Variants in CREB3L2 observed in about 807,000 individuals in gnomAD.
The protein encoded by CREB3L2 is cyclic AMP-responsive element-binding protein 3-like protein 2.
CREB3L2 carries 23 observed loss-of-function variants against 57.2 expected under a neutral mutation model. The observed-to-expected ratio is 0.40, with a 90% CI of 0.29 to 0.57. The LOEUF is 0.57. Among genes scored for constraint, CREB3L2 ranks in the 20% least tolerant of loss-of-function variants. CREB3L2 has a pLI of 0.42. For missense variants in CREB3L2, 628 were observed against 634.7 expected (o/e 0.99, Z 0.11); for synonymous variants, 268 against 265.1 (o/e 1.01, Z -0.11).
intron 11 of CREB3L2, among the ~76,000 whole-genome samples, chr7:137,881,720 A>AG (rs1799296165): frequency 6.6e-6 from 1 of 152,230 alleles, no homozygotes; most frequent in Non-Finnish European, 1.5e-5. Context: ...ACACGTAACC[A>AG]GGAGCATGCA....
At chr7:137,995,799 A>T (rs998549142) in intron 1 of CREB3L2, among the ~76,000 whole-genome samples, 1 of 152,146 alleles carries the variant, frequency 6.6e-6, no homozygotes, top group Non-Finnish European at 1.5e-5. Context: ...CACATCAGAG[A>T]CCCCTGTTTC....
intron 1 of CREB3L2, among the ~76,000 whole-genome samples, chr7:137,987,154 A>C (rs1390042951): frequency 1.3e-5 from 2 of 152,220 alleles, no homozygotes; most frequent in Non-Finnish European, 2.9e-5. Flanking sequence ...AATGAATACC[A>C]TTCAGGGGTA....
chr7:137,970,748 A>G (rs1801492339), intron 1 of CREB3L2, among the ~76,000 whole-genome samples: 2 of 152,230 alleles, frequency 1.3e-5, no homozygotes, highest in Non-Finnish European at 2.9e-5. Flanking sequence ...GCCCAGACAG[A>G]GCACATTCCA....
In CREB3L2 at chr7:138,001,464, C is replaced by T. The variant is rs982623363; in HGVS notation, c.102+140G>A. On this transcript the variant is annotated intron_variant, in intron 1 of 11. Transcript: ENST00000330387. The surrounding 1 kb of genome is among the most constrained non-coding windows in gnomAD (Gnocchi z 4.2). ...CTTCATCTGCTCAGACATTAAAGTACACCTCGCCCAGGACCTCTTGATTCT... is the reference window on the plus strand; with the variant it reads ...CTTCATCTGCTCAGACATTAAAGTATACCTCGCCCAGGACCTCTTGATTCT... 1.6e-6 allele frequency: 1 copy of T among 607,246 alleles called. No individual in the cohort carries two copies. The highest frequency in any genetic ancestry group is 2.9e-6 in the Non-Finnish European group (1 of 341,038). 37.6% of individuals were successfully genotyped at this position (607,246 alleles called of 1,614,324 possible).
At chr7:137,885,589 T>C in intron 8 of CREB3L2, 87 bp from the exon 9 acceptor site, 1 of 985,814 alleles carries the variant, frequency 1.0e-6, no homozygotes, top group Non-Finnish European at 1.6e-6. Flanking sequence ...AAGGCCGCCG[T>C]GCCTTTGTGC....
chr7:137,883,374 T>C (rs1799340290), intron 10 of CREB3L2, among the ~76,000 whole-genome samples: 1 of 152,190 alleles, frequency 6.6e-6, no homozygotes, highest in South Asian at 2.1e-4. Flanking sequence ...CCCTTATCCA[T>C]GGGGAATACA....
intron 1 of CREB3L2, among the ~76,000 whole-genome samples, chr7:137,999,133 C>T (rs1446949979): frequency 2.0e-5 from 3 of 152,050 alleles, no homozygotes; most frequent in African/African-American, 7.2e-5. Context: ...AAAATGCACA[C>T]CTACCTTAGG....
intron 11 of CREB3L2, 53 bp downstream of exon 11, chr7:137,882,359 A>AT (rs1160788875): frequency 1.4e-6 from 2 of 1,413,090 alleles, no homozygotes; most frequent in Non-Finnish European, 2.0e-6. Context: ...TTGCTGACTC[A>AT]TAACCCACCA....
intron 1 of CREB3L2, among the ~76,000 whole-genome samples, chr7:137,966,053 C>T (rs1801401630): frequency 6.6e-6 from 1 of 152,164 alleles, no homozygotes; most frequent in Non-Finnish European, 1.5e-5. Context: ...AACCACTGGT[C>T]TTCCAAAGAA....
chr7:137,925,703 A>G (rs967328467), intron 2 of CREB3L2, among the ~76,000 whole-genome samples: 1 of 152,152 alleles, frequency 6.6e-6, no homozygotes, highest in African/African-American at 2.4e-5. Context: ...CAACTCAGAA[A>G]AATAGATCCA....
At chr7:137,987,593 G>A (rs1019203801) in intron 1 of CREB3L2, among the ~76,000 whole-genome samples, 2 of 152,232 alleles carry the variant, frequency 1.3e-5, no homozygotes, top group Non-Finnish European at 2.9e-5. Context: ...GCTGATGGTG[G>A]GACAGGTTTT....
chr7:137,958,958 C>T (rs537599915), intron 1 of CREB3L2, among the ~76,000 whole-genome samples: 1 of 152,326 alleles, frequency 6.6e-6, no homozygotes, highest in African/African-American at 2.4e-5. Context: ...TCTTTTCAGT[C>T]TTCAAAATGC....
intron 1 of CREB3L2, among the ~76,000 whole-genome samples, chr7:137,972,383 A>G (rs1018556693): frequency 1.3e-5 from 2 of 152,006 alleles, no homozygotes; most frequent in African/African-American, 4.8e-5. Flanking sequence ...GGTTGCAGCG[A>G]GCCAAGATCA....
At chr7:137,902,829 T>G (rs999525661) in intron 7 of CREB3L2, among the ~76,000 whole-genome samples, 16 of 152,080 alleles carry the variant, frequency 1.1e-4, no homozygotes, top group Admixed American at 3.9e-4. Flanking sequence ...TTGGCTTTGG[T>G]TTTTTGAGAC....
intron 1 of CREB3L2, among the ~76,000 whole-genome samples, chr7:137,945,016 C>T (rs1800945098): frequency 6.6e-6 from 1 of 152,164 alleles, no homozygotes; most frequent in Admixed American, 6.5e-5. Context: ...CCTCAGCCTC[C>T]CAAGTAGCTG....
At chr7:137,979,053 T>C (rs1047140082) in intron 1 of CREB3L2, among the ~76,000 whole-genome samples, 2 of 152,038 alleles carry the variant, frequency 1.3e-5, no homozygotes, top group African/African-American at 4.8e-5. Context: ...AAAAAGAAAT[T>C]TCAAAATAGT....
chr7:137,976,345 A>C (rs965934635), intron 1 of CREB3L2, among the ~76,000 whole-genome samples: 1 of 152,178 alleles, frequency 6.6e-6, no homozygotes, highest in Non-Finnish European at 1.5e-5. Flanking sequence ...ATCGGCCCCA[A>C]ATTTCCTGCC....
At chr7:137,895,992 C>T (rs1354319111) in intron 8 of CREB3L2, among the ~76,000 whole-genome samples, 1 of 152,208 alleles carries the variant, frequency 6.6e-6, no homozygotes, top group Admixed American at 6.5e-5. Context: ...CCCAGCCCAG[C>T]CCTGCACACT....
Position 137,876,566 on chromosome 7 carries a change from T to A in CREB3L2, c.*3910A>T. Reference sequence around the variant, plus strand: ...GAAACATCTAAGTCTTGTCTCTGGATCCTTCACAGCCCTCACGTCACCACC... The same window carrying A: ...GAAACATCTAAGTCTTGTCTCTGGAACCTTCACAGCCCTCACGTCACCACC... On this transcript the variant is annotated 3_prime_UTR_variant, in exon 12 of 12. Coordinates refer to ENST00000330387, the MANE Select transcript of CREB3L2 (RefSeq NM_194071.4). 4.3e-6 allele frequency: 1 copy of A among 233,112 alleles called. No individual in the cohort carries two copies. Among genetic ancestry groups the A allele is most frequent in the African/African-American group, 2.2e-5 (1 of 45,412 alleles). The allele number at this position is 233,112 out of a possible 1,614,324, so 14.4% of individuals were successfully genotyped here. A position where few individuals can be genotyped will look rare whatever the true frequency, so the allele number is the denominator to read the frequency against.
Sources: gnomAD v4.1 joint callset for allele counts (sites outside exome capture counted in the v4.1 genomes callset) on GRCh38, gnomAD v4.1.1 for gene constraint, Gnocchi (gnomAD v3.1) non-coding constraint, MANE v1.5 for transcripts, NCBI Gene and HGNC (gene_info 2026-07-23, HGNC 2026-07-21) for gene names.